Variants in GRID2 observed in about 807,000 individuals in gnomAD.
GRID2 encodes glutamate receptor ionotropic, delta-2.
A neutral mutation model predicts 114.8 loss-of-function variants in GRID2; 33 were observed. The ratio of observed to expected loss-of-function variants is 0.29; its 90% CI spans 0.22 to 0.38. The LOEUF is 0.38. GRID2 is among the 10% of genes least tolerant of loss of function. The probability of loss-of-function intolerance (pLI) is 1.00; values close to 1 mark genes in which losing one functional copy is unlikely to be tolerated. For missense variants in GRID2, 1,184 were observed against 1,257.7 expected (o/e 0.94, Z 0.89); for synonymous variants, 505 against 449.9 (o/e 1.12, Z -1.55).
intron 1 of GRID2, among the ~76,000 whole-genome samples, chr4:92,570,050 T>C (rs891149889): frequency 3.3e-5 from 5 of 151,950 alleles, no homozygotes; most frequent in Admixed American, 6.6e-5. Context: ...TGTCCTGAAG[T>C]GTATTGCCTA....
intron 14 of GRID2, among the ~76,000 whole-genome samples, chr4:93,682,002 A>C (rs893760040): frequency 4.0e-5 from 6 of 151,420 alleles, no homozygotes; most frequent in African/African-American, 7.3e-5. Flanking sequence ...CAACCTACAA[A>C]ATGGGAGAAA....
intron 13 of GRID2, among the ~76,000 whole-genome samples, chr4:93,614,128 C>T (rs1002878051): frequency 1.3e-5 from 2 of 152,198 alleles, no homozygotes; most frequent in African/African-American, 4.8e-5. Context: ...TCCCTGACCC[C>T]TTGCGCTTCC....
At chr4:93,173,391 C>G (rs1446806816) in intron 4 of GRID2, among the ~76,000 whole-genome samples, 1 of 151,640 alleles carries the variant, frequency 6.6e-6, no homozygotes, top group African/African-American at 2.4e-5. Context: ...AATTTATTTC[C>G]TAGCTCATTA....
chr4:93,309,564 A>C (rs544170963), intron 8 of GRID2, among the ~76,000 whole-genome samples: 2 of 151,574 alleles, frequency 1.3e-5, no homozygotes, highest in Admixed American at 1.3e-4. Flanking sequence ...AATAATAATA[A>C]ATAAAAAAGA....
chr4:93,810,447 ATTACT>A (rs1373051477), downstream of GRID2, among the ~76,000 whole-genome samples: 1 of 152,194 alleles, frequency 6.6e-6, no homozygotes, highest in African/African-American at 2.4e-5. Flanking sequence ...ATAAAAACAA[ATTACT>A]TTAATTAATA....
chr4:93,555,655 G>A (rs760013062), intron 13 of GRID2, among the ~76,000 whole-genome samples: 5 of 152,208 alleles, frequency 3.3e-5, no homozygotes, highest in South Asian at 4.1e-4. Flanking sequence ...GAGCACCTGG[G>A]GGAAGGGGCG....
chr4:93,726,288 T>C (rs999874451), intron 14 of GRID2, among the ~76,000 whole-genome samples: 2 of 152,184 alleles, frequency 1.3e-5, no homozygotes, highest in Non-Finnish European at 2.9e-5. Flanking sequence ...AAAGATCAGA[T>C]AGTTGTAGAT....
intron 1 of GRID2, among the ~76,000 whole-genome samples, chr4:92,405,618 G>GGAAAAA (rs1730989822): frequency 6.6e-6 from 1 of 150,840 alleles, no homozygotes; most frequent in Non-Finnish European, 1.5e-5. Flanking sequence ...TATGTATATG[G>GGAAAAA]TGTTTCCACA....
intron 13 of GRID2, among the ~76,000 whole-genome samples, chr4:93,543,639 C>A (rs1289796556): frequency 6.6e-6 from 1 of 151,086 alleles, no homozygotes; most frequent in African/African-American, 2.4e-5. Context: ...TATCAAACGG[C>A]CTGGGAGTAA....
At chr4:93,213,168 C>T (rs1041906929) in intron 5 of GRID2, among the ~76,000 whole-genome samples, 5 of 152,200 alleles carry the variant, frequency 3.3e-5, no homozygotes, top group Non-Finnish European at 7.4e-5. Flanking sequence ...AATTGAACTG[C>T]TCACTTCTAA....
intron 1 of GRID2, among the ~76,000 whole-genome samples, chr4:92,347,171 C>A (rs973147948): frequency 1.3e-5 from 2 of 152,146 alleles, no homozygotes; most frequent in Admixed American, 6.5e-5. Flanking sequence ...AGCTTTTTAG[C>A]CCTGAACCAA....
At chr4:92,782,718 C>T (rs200486333) in intron 2 of GRID2, among the ~76,000 whole-genome samples, 180 of 151,958 alleles carry the variant, frequency 1.2e-3, no homozygotes, top group African/African-American at 4.2e-3. Flanking sequence ...GAAGAGTGTG[C>T]GTAATACATG....
At chr4:93,420,195 G>A (rs1224264080) in intron 9 of GRID2, among the ~76,000 whole-genome samples, 1 of 152,138 alleles carries the variant, frequency 6.6e-6, no homozygotes, top group Non-Finnish European at 1.5e-5. Context: ...TGAGTTGCAT[G>A]TAAGGAAATC....
intron 2 of GRID2, among the ~76,000 whole-genome samples, chr4:92,853,967 C>T (rs1283689243): frequency 6.6e-6 from 1 of 150,616 alleles, no homozygotes; most frequent in African/African-American, 2.4e-5. Flanking sequence ...AACAAACCTG[C>T]ACATGTACCC....
At chr4:92,805,022 C>T (rs1740343621) in intron 2 of GRID2, among the ~76,000 whole-genome samples, 1 of 151,904 alleles carries the variant, frequency 6.6e-6, no homozygotes, top group South Asian at 2.1e-4. Flanking sequence ...TATTATGGGC[C>T]AAAGCTATCC....
intron 2 of GRID2, among the ~76,000 whole-genome samples, chr4:92,946,578 A>G (rs1233498044): frequency 2.0e-5 from 3 of 152,034 alleles, no homozygotes; most frequent in Non-Finnish European, 1.5e-5. Flanking sequence ...TGTTTGTACT[A>G]CTATGCAAAC....
chr4:92,591,129 G>A (rs2149211680), intron 2 of GRID2, among the ~76,000 whole-genome samples: 1 of 152,212 alleles, frequency 6.6e-6, no homozygotes, highest in Non-Finnish European at 1.5e-5. Context: ...GGGGCCTTCA[G>A]GAGATGATTA....
chr4:93,212,777 T>TG (rs1743699389), intron 5 of GRID2, among the ~76,000 whole-genome samples: 1 of 151,140 alleles, frequency 6.6e-6, no homozygotes, highest in Admixed American at 6.6e-5. Context: ...TTTTGTTGTT[T>TG]TTTTTTTCTT....
chr4:92,410,253 C>T (rs923614384), intron 1 of GRID2, among the ~76,000 whole-genome samples: 1 of 152,138 alleles, frequency 6.6e-6, no homozygotes, highest in African/African-American at 2.4e-5. Context: ...TTTCATTAGG[C>T]TTCTTCCCAT....
Sources: allele counts gnomAD v4.1 joint callset (sites outside exome capture counted in the v4.1 genomes callset), GRCh38; gene constraint gnomAD v4.1.1; transcripts MANE v1.5; gene names NCBI Gene and HGNC (gene_info 2026-07-23, HGNC 2026-07-21).